PCSK2: variants seen among roughly 807,000 people sequenced by gnomAD.
PCSK2 encodes the protein neuroendocrine convertase 2.
PCSK2 carries 14 observed loss-of-function variants against 69.7 expected under a neutral mutation model. The ratio of observed to expected loss-of-function variants is 0.20; its 90% CI spans 0.13 to 0.31. The LOEUF (loss-of-function observed/expected upper bound fraction) is 0.31, where lower values mean the gene tolerates loss of function less well. Among genes scored for constraint, PCSK2 ranks in the 10% least tolerant of loss-of-function variants. The pLI, the probability that PCSK2 is intolerant of heterozygous loss-of-function variation, is 1.00. For synonymous variants in PCSK2, 307 were observed against 320.7 expected, an observed-to-expected ratio of 0.96 and a Z score of 0.46; for missense variants, 544 against 842.5, an observed-to-expected ratio of 0.65 and a Z score of 4.39.
chr20:17,323,575 T>C, intron 2 of PCSK2, among the ~76,000 whole-genome samples: 1 of 152,230 alleles, frequency 6.6e-6, no homozygotes, highest in South Asian at 2.1e-4. Flanking sequence ...CTAACTTCAG[T>C]CTACTGAACT....
chr20:17,482,006 A>T lies in PCSK2; in HGVS notation c.1853A>T (p.Glu618Val). Residue 618 changes from glutamate (E) to valine (V), a missense_variant, in exon 12 of 12, where the codon GAG (glutamate) becomes GTG (valine). Coordinates refer to ENST00000262545, the MANE Select transcript of PCSK2 (RefSeq NM_002594.5). ...AAGTTGGCCATGTCCAAGAAAGAGG[A>T]GCTGGAGGAAGAGCTGGACGAAGCC... ...QSKLAMSKKEELEEELDEAVE... is the reference protein window; with the variant it reads ...QSKLAMSKKEVLEEELDEAVE... 1 of 1,612,100 alleles carries T rather than the reference A, an allele frequency of 6.2e-7. No individual in the cohort carries two copies. Among genetic ancestry groups the T allele is most frequent in the Non-Finnish European group, 8.5e-7 (1 of 1,179,616 alleles).
chr20:17,388,945 G>A (rs1005515577), intron 5 of PCSK2, among the ~76,000 whole-genome samples: 1 of 152,010 alleles, frequency 6.6e-6, no homozygotes, highest in East Asian at 1.9e-4. Flanking sequence ...GAGTGACAAC[G>A]GGTGCTTAGT....
chr20:17,275,792 A>C (rs1008620712), intron 2 of PCSK2, among the ~76,000 whole-genome samples: 4 of 152,142 alleles, frequency 2.6e-5, no homozygotes, highest in African/African-American at 7.2e-5. Flanking sequence ...TCCCTCTCTA[A>C]ATTCTTGTAA....
chr20:17,481,172 G>A (rs1166130542), intron 11 of PCSK2, among the ~76,000 whole-genome samples: 1 of 152,090 alleles, frequency 6.6e-6, no homozygotes, highest in Non-Finnish European at 1.5e-5. Context: ...CTTGAGGCCA[G>A]GAGTTCAAGA....
chr20:17,317,289 A>AT (rs1456378395), intron 2 of PCSK2, among the ~76,000 whole-genome samples: 1 of 152,148 alleles, frequency 6.6e-6, no homozygotes, highest in Non-Finnish European at 1.5e-5. Context: ...CTGATACATA[A>AT]TTTTCCCCCT....
chr20:17,409,526 A>G (rs1283378302), intron 6 of PCSK2, among the ~76,000 whole-genome samples, 187 bp downstream of exon 6: 1 of 152,246 alleles, frequency 6.6e-6, no homozygotes, highest in Non-Finnish European at 1.5e-5. Context: ...TTCCTCTAGA[A>G]TAATCTTTTG....
In PCSK2 at chr20:17,465,512, T is replaced by C. The variant is rs2033085413; in HGVS notation, c.1389T>C (p.Pro463=). The C allele has an allele frequency of 6.2e-7, 1 of 1,610,898 alleles. No homozygotes were observed. Residue 463 remains proline (P), a synonymous_variant, in exon 11 of 12, where the codon CCT becomes CCC. Coordinates refer to ENST00000262545, the MANE Select transcript of PCSK2 (RefSeq NM_002594.5). ...VKMAKDWKTV[P]ERFHCVGGSV... Reference sequence around the variant, plus strand: ...TGGCTAAAGACTGGAAAACCGTGCCTGAGAGATTCCACTGTGTGGGAGGCT... The same window carrying C: ...TGGCTAAAGACTGGAAAACCGTGCCCGAGAGATTCCACTGTGTGGGAGGCT...
chr20:17,353,617 T>C (rs1028521682), intron 2 of PCSK2, among the ~76,000 whole-genome samples: 2 of 152,194 alleles, frequency 1.3e-5, no homozygotes, highest in African/African-American at 4.8e-5. Context: ...AAAATTATCA[T>C]TCAATCCAGC....
At chr20:17,331,637 G>A (rs1012968177) in intron 2 of PCSK2, among the ~76,000 whole-genome samples, 3 of 152,000 alleles carry the variant, frequency 2.0e-5, no homozygotes, top group African/African-American at 7.3e-5. Flanking sequence ...CAGATCTTGG[G>A]GCACTTAAAT....
intron 2 of PCSK2, among the ~76,000 whole-genome samples, chr20:17,345,704 C>G (rs1335950852): frequency 6.6e-6 from 1 of 152,176 alleles, no homozygotes; most frequent in Non-Finnish European, 1.5e-5. Flanking sequence ...AGAACCCAAA[C>G]CCAGTTCTTT....
chr20:17,245,239 TA>T (rs1986726753), intron 1 of PCSK2, among the ~76,000 whole-genome samples: 1 of 152,160 alleles, frequency 6.6e-6, no homozygotes, highest in South Asian at 2.1e-4. Flanking sequence ...GCACCTGCTT[TA>T]AAAAAATGGA....
intron 2 of PCSK2, among the ~76,000 whole-genome samples, chr20:17,332,313 C>A (rs1455524419): frequency 1.3e-5 from 2 of 151,988 alleles, no homozygotes; most frequent in African/African-American, 4.8e-5. Flanking sequence ...CTCAATGGAC[C>A]TCACACACAA....
At chr20:17,278,529 A>G (rs1988180608) in intron 2 of PCSK2, among the ~76,000 whole-genome samples, 1 of 152,194 alleles carries the variant, frequency 6.6e-6, no homozygotes, top group East Asian at 1.9e-4. Context: ...ATGAGAACAC[A>G]TGGACACAGG....
At chr20:17,402,919 T>C (rs894673674) in intron 5 of PCSK2, among the ~76,000 whole-genome samples, 16 of 149,566 alleles carry the variant, frequency 1.1e-4, no homozygotes, top group African/African-American at 3.9e-4. Flanking sequence ...ATCACGCCAC[T>C]GCACTCCAGC....
At chr20:17,239,294 T>C (rs1254749277) in intron 1 of PCSK2, among the ~76,000 whole-genome samples, 1 of 152,174 alleles carries the variant, frequency 6.6e-6, no homozygotes, top group Non-Finnish European at 1.5e-5. Flanking sequence ...GTAGTTGACA[T>C]CCAAGAGTCA....
chr20:17,373,066 G>A (rs1166709137), intron 5 of PCSK2, among the ~76,000 whole-genome samples: 1 of 152,130 alleles, frequency 6.6e-6, no homozygotes, highest in East Asian at 1.9e-4. Flanking sequence ...CCAGCCTGGT[G>A]CCCCTTGAGA....
chr20:17,276,336 C>T (rs1319586778), intron 2 of PCSK2, among the ~76,000 whole-genome samples: 2 of 152,108 alleles, frequency 1.3e-5, no homozygotes, highest in Non-Finnish European at 2.9e-5. Context: ...TGCTAATTAA[C>T]TCCACATTTT....
chr20:17,418,373 G>A (rs115746684), intron 6 of PCSK2, among the ~76,000 whole-genome samples: 293 of 152,272 alleles, frequency 1.9e-3, no homozygotes, highest in African/African-American at 6.7e-3. Flanking sequence ...GGGAACGAAT[G>A]TATCCCAGGG....
chr20:17,303,529 T>TAATATA (rs1327135100), intron 2 of PCSK2, among the ~76,000 whole-genome samples: 102 of 41,682 alleles, frequency 2.4e-3, no homozygotes, highest in Admixed American at 6.6e-3. Flanking sequence ...ATAATATATA[T>TAATATA]TATATTATAT....
Sources: allele counts gnomAD v4.1 joint callset (sites outside exome capture counted in the v4.1 genomes callset), GRCh38; gene constraint gnomAD v4.1.1; transcripts MANE v1.5; gene names NCBI Gene and HGNC (gene_info 2026-07-23, HGNC 2026-07-21).